The following POU6F2 variants were observed in gnomAD, a reference collection of about 807,000 sequenced individuals.
POU6F2 encodes POU class 6 homeobox 2.
In POU6F2, 31 loss-of-function variants were observed where a neutral mutation model predicts 71.3. That is an observed-to-expected ratio of 0.43 (90% CI 0.33 to 0.59). The LOEUF (loss-of-function observed/expected upper bound fraction) is 0.59. Ranked by LOEUF, POU6F2 falls within the 20% of genes least tolerant of loss-of-function variation. POU6F2 has a pLI of 0.04. For missense variants in POU6F2, 783 were observed against 856.8 expected, an observed-to-expected ratio of 0.91 and a Z score of 1.07; for synonymous variants, 347 against 355.7, an observed-to-expected ratio of 0.98 and a Z score of 0.27.
chr7:39,215,028 T>G (rs944230285), intron 4 of POU6F2, among the ~76,000 whole-genome samples: 1 of 152,160 alleles, frequency 6.6e-6, no homozygotes, highest in Non-Finnish European at 1.5e-5. Context: ...ATCTCAAGAA[T>G]TTGAAGCAGC....
intron 7 of POU6F2, among the ~76,000 whole-genome samples, chr7:39,434,328 A>G (rs1406150484): frequency 2.6e-5 from 4 of 152,142 alleles, no homozygotes; most frequent in Non-Finnish European, 5.9e-5. Context: ...TAAACAATCT[A>G]AAAAGGATGG....
At chr7:39,241,146 C>T (rs904113058) in intron 4 of POU6F2, among the ~76,000 whole-genome samples, 17 of 152,128 alleles carry the variant, frequency 1.1e-4, no homozygotes, top group African/African-American at 4.1e-4. Context: ...GTACTCTTAA[C>T]CTATTCCTGG....
At position 39,087,147 on chromosome 7, in the gene POU6F2, A is replaced by T. The variant is rs542934831; in HGVS notation, c.277+1116A>T. Among the ~76,000 whole-genome samples the T allele has an allele frequency of 1.8e-3, 107 of 58,744 alleles. 1 individual carries two copies. The East Asian group carries it at 0.036, about 20-fold the overall frequency. 38.5% of individuals were successfully genotyped at this position (58,744 alleles called of 152,430 possible). A position where few individuals can be genotyped will look rare whatever the true frequency, so the allele number is the denominator to read the frequency against. On this transcript the variant is annotated intron_variant, in intron 2 of 9. Coordinates refer to ENST00000518318, the MANE Select transcript of POU6F2 (RefSeq NM_001370959.1). ...TTCGGCTTGAAACACAGGCTTTATT[A>T]ATTAATTAATTAATTTATTTATTTA...
At chr7:39,109,033 GT>G (rs1257706711) in intron 2 of POU6F2, among the ~76,000 whole-genome samples, 1 of 152,120 alleles carries the variant, frequency 6.6e-6, no homozygotes, top group Non-Finnish European at 1.5e-5. Flanking sequence ...TTAATTATTA[GT>G]TTTTGGTTTT....
chr7:39,286,274 A>G (rs1012945594), intron 4 of POU6F2, among the ~76,000 whole-genome samples: 1 of 152,236 alleles, frequency 6.6e-6, no homozygotes, highest in Non-Finnish European at 1.5e-5. Context: ...CAAGGATCAC[A>G]AAAGTATTTC....
chr7:39,416,089 G>A (rs887840961), intron 6 of POU6F2, among the ~76,000 whole-genome samples: 2 of 85,236 alleles, frequency 2.3e-5, no homozygotes, highest in Non-Finnish European at 5.1e-5. Flanking sequence ...TTCTCTCGAA[G>A]GCATACACAC....
intron 4 of POU6F2, among the ~76,000 whole-genome samples, chr7:39,331,368 C>T (rs1339138915): frequency 6.6e-6 from 1 of 152,198 alleles, no homozygotes; most frequent in Non-Finnish European, 1.5e-5. Flanking sequence ...TCCACAAAGG[C>T]TGTCTTAGTT....
chr7:39,176,751 C>T (rs963890205), intron 2 of POU6F2, among the ~76,000 whole-genome samples: 1 of 152,208 alleles, frequency 6.6e-6, no homozygotes, highest in East Asian at 1.9e-4. Flanking sequence ...AACACATTTT[C>T]CAAATTCCTG....
chr7:39,402,956 G>A (rs1787336844), intron 5 of POU6F2, among the ~76,000 whole-genome samples: 2 of 152,142 alleles, frequency 1.3e-5, no homozygotes, highest in Non-Finnish European at 2.9e-5. Flanking sequence ...AGAAAATAAT[G>A]TATGCTAGGT....
At chr7:39,263,448 G>T (rs1008239454) in intron 4 of POU6F2, among the ~76,000 whole-genome samples, 1 of 152,018 alleles carries the variant, frequency 6.6e-6, no homozygotes, top group Non-Finnish European at 1.5e-5. Context: ...TGTACCTTTG[G>T]TCTAAACTTC....
At chr7:39,320,884 A>C (rs994192178) in intron 4 of POU6F2, among the ~76,000 whole-genome samples, 7 of 152,020 alleles carry the variant, frequency 4.6e-5, no homozygotes, top group Admixed American at 1.3e-4. Flanking sequence ...GTGAGACCCC[A>C]TCTCAACCAA....
intron 4 of POU6F2, among the ~76,000 whole-genome samples, chr7:39,309,755 A>G (rs1008315368): frequency 5.9e-5 from 9 of 152,232 alleles, no homozygotes; most frequent in African/African-American, 2.2e-4. Context: ...GTGACATGAC[A>G]TAGAATGTGA....
At chr7:39,029,426 A>C (rs12534015) in intron 1 of POU6F2, among the ~76,000 whole-genome samples, 30,873 of 151,642 alleles carry the variant, frequency 0.2, 3,426 homozygotes, top group South Asian at 0.35. Flanking sequence ...GAGGTTAAGC[A>C]TATTTGACTT....
intron 4 of POU6F2, among the ~76,000 whole-genome samples, chr7:39,250,868 G>C (rs139505406): frequency 7.2e-4 from 110 of 152,286 alleles, no homozygotes; most frequent in Non-Finnish European, 1.3e-3. Context: ...TTTCTTTTCA[G>C]TAAAAAATCA....
intron 7 of POU6F2, among the ~76,000 whole-genome samples, chr7:39,441,201 C>T (rs1033232494): frequency 2.0e-5 from 3 of 150,602 alleles, no homozygotes; most frequent in Non-Finnish European, 2.9e-5. Flanking sequence ...ACCTGTTAAA[C>T]GTGTAAAAGG....
At chr7:39,250,304 G>A (rs1029713720) in intron 4 of POU6F2, among the ~76,000 whole-genome samples, 1 of 152,204 alleles carries the variant, frequency 6.6e-6, no homozygotes, top group African/African-American at 2.4e-5. Flanking sequence ...ACCGCCTTTG[G>A]TTTTCTCCAG....
intron 4 of POU6F2, among the ~76,000 whole-genome samples, chr7:39,293,105 A>C (rs1418525984): frequency 3.3e-5 from 5 of 151,974 alleles, no homozygotes; most frequent in Non-Finnish European, 7.4e-5. Flanking sequence ...CAGGGATTAC[A>C]CTTTGCTGTT....
chr7:39,210,128 G>A lies in POU6F2; in HGVS notation c.598+2508G>A, dbSNP rs74762278. The stretch of plus-strand genomic sequence containing the variant: ...TTAAAAACAACTCTTAAGTCTGCTC[G>A]TCTATAATAAACACCCCACTTCTCC... On this transcript the variant is annotated intron_variant, in intron 4 of 9. Transcript: ENST00000518318. Among the ~76,000 whole-genome samples, 826 of 152,084 alleles carry A rather than the reference G, an allele frequency of 5.4e-3. 5 individuals carry two copies. The highest frequency in any genetic ancestry group is 9.8e-3 in the Admixed American group (149 of 15,278).
In POU6F2 at chr7:39,010,724, T is replaced by C. The variant is rs1386192517; in HGVS notation, c.105+32666T>C. 2.8e-3 allele frequency among the ~76,000 whole-genome samples: 401 copies of C among 142,052 alleles called. 2 individuals are homozygous for C. The highest frequency in any genetic ancestry group is 9.9e-3 in the African/African-American group (380 of 38,194). 93.2% of individuals were successfully genotyped at this position (142,052 alleles called of 152,430 possible). ...ATCCCAGAGATTCTGGTATGTTGTG[T>C]CTTTGTTCTCGTTGGTTTCAAAGAA... is the stretch of plus-strand genomic sequence containing the variant. On this transcript the variant is annotated intron_variant, in intron 1 of 9. Transcript: ENST00000518318.
Sources: allele counts gnomAD v4.1 joint callset (sites outside exome capture counted in the v4.1 genomes callset), GRCh38; gene constraint gnomAD v4.1.1; transcripts MANE v1.5; gene names NCBI Gene and HGNC (gene_info 2026-07-23, HGNC 2026-07-21).